TPPP2: variants seen among roughly 807,000 people sequenced by gnomAD.
The protein encoded by TPPP2 is tubulin polymerization-promoting protein family member 2.
A neutral mutation model predicts 13.0 loss-of-function variants in TPPP2; 8 were observed. The observed-to-expected ratio is 0.62, with a 90% CI of 0.36 to 1.11. The LOEUF is 1.11. Among genes scored for constraint, TPPP2 ranks in the 50% most tolerant of loss-of-function variants. The probability of loss-of-function intolerance (pLI) is 0.02; values close to 1 mark genes in which losing one functional copy is unlikely to be tolerated. For synonymous variants in TPPP2, 81 were observed against 81.8 expected, an observed-to-expected ratio of 0.99 and a Z score of 0.05; for missense variants, 213 against 216.9, an observed-to-expected ratio of 0.98 and a Z score of 0.11.
At chr14:21,026,945 C>T (rs1325850535), upstream of TPPP2, among the ~76,000 whole-genome samples, 1 of 146,280 alleles carries the variant, frequency 6.8e-6, no homozygotes, top group Non-Finnish European at 1.5e-5. Context: ...GGGAGAGCCT[C>T]GAGTGAGAAC....
At position 21,032,803 on chromosome 14, in the gene TPPP2, C is replaced by T. The variant is rs992052096; in HGVS notation, c.*726C>T. The T allele has an allele frequency of 2.7e-6, 1 of 376,984 alleles. No individual in the cohort carries two copies. The highest frequency in any genetic ancestry group is 2.1e-5 in the African/African-American group (1 of 47,012). 23.4% of individuals were successfully genotyped at this position (376,984 alleles called of 1,614,324 possible). On this transcript the variant is annotated 3_prime_UTR_variant, in exon 4 of 4. Transcript: ENST00000321760. ...TGCACTGAAGAAAAAGCAATTAAAT[C>T]ACAACAGAGTCAGATGTGTGTTATT...
At chr14:21,035,797 C>T (rs1391323969), downstream of TPPP2, 1 of 456,268 alleles carries the variant, frequency 2.2e-6, no homozygotes, top group Non-Finnish European at 4.4e-6. Context: ...AACTCAGTTT[C>T]CCTGGTTACC....
downstream of TPPP2, chr14:21,034,770 G>T (rs563648604): frequency 6.4e-6 from 1 of 156,880 alleles, no homozygotes; most frequent in South Asian, 2.0e-4. Flanking sequence ...GGCTAGAAAG[G>T]TTTCTAGGTA....
chr14:21,031,371 A>C, intron 3 of TPPP2: 1 of 567,480 alleles, frequency 1.8e-6, no homozygotes, highest in South Asian at 3.7e-5. Flanking sequence ...TTAATAGTAG[A>C]TTTAGACTAA....
At chr14:21,028,162 G>A (rs1476688805), upstream of TPPP2, among the ~76,000 whole-genome samples, 1 of 152,120 alleles carries the variant, frequency 6.6e-6, no homozygotes, top group African/African-American at 2.4e-5. Context: ...CAAGTAGCCT[G>A]TCAAGTGTAT....
At chr14:21,032,895 TGTG>T (rs1255866428), downstream of TPPP2, 3 of 454,218 alleles carry the variant, frequency 6.6e-6, no homozygotes, top group African/African-American at 6.0e-5. Context: ...AGGGGGCTCG[TGTG>T]CCCTTCACCC....
downstream of TPPP2, chr14:21,033,072 G>A (rs748784682): frequency 1.6e-5 from 7 of 445,558 alleles, 1 homozygote; most frequent in South Asian, 1.1e-4. Flanking sequence ...GGAACCTCTG[G>A]GGAATGGGTG....
At chr14:21,036,241 A>T (rs1359304046), downstream of TPPP2, 1 of 456,154 alleles carries the variant, frequency 2.2e-6, no homozygotes, top group East Asian at 6.9e-5. Context: ...CTCCAGTAAG[A>T]CTCAACTCAA....
intron 1 of TPPP2, 32 bp from the exon 2 acceptor site, chr14:21,030,481 T>C: frequency 2.3e-6 from 3 of 1,277,100 alleles, no homozygotes; most frequent in Non-Finnish European, 2.2e-6. Flanking sequence ...CTGACTGATT[T>C]TACCATAACA....
chr14:21,026,988 G>C (rs964762750), upstream of TPPP2, among the ~76,000 whole-genome samples: 1 of 152,140 alleles, frequency 6.6e-6, no homozygotes, highest in Non-Finnish European at 1.5e-5. Context: ...GTCAAAAGTC[G>C]TCTTACTTGG....
chr14:21,027,218 T>C (rs144941611), upstream of TPPP2, among the ~76,000 whole-genome samples: 1,585 of 152,328 alleles, frequency 0.01, 16 homozygotes, highest in South Asian at 0.027. Flanking sequence ...GGTTCTTCCA[T>C]GTCAGGGCAG....
intron 1 of TPPP2, chr14:21,024,378 C>A (rs967022659): frequency 3.2e-6 from 3 of 931,994 alleles, no homozygotes; most frequent in Non-Finnish European, 3.8e-6. Context: ...CCTCCGGATT[C>A]GAATCCCGGC....
At chr14:21,033,832 A>G (rs370430249), downstream of TPPP2, 28 of 1,610,732 alleles carry the variant, frequency 1.7e-5, no homozygotes, top group Non-Finnish European at 3.4e-6. Flanking sequence ...ATTCCCGAAT[A>G]GAGACCAGCG....
downstream of TPPP2, chr14:21,032,945 G>A: frequency 2.2e-6 from 1 of 456,118 alleles, no homozygotes; most frequent in Non-Finnish European, 4.4e-6. Context: ...ATACTCAGAT[G>A]TGGTTTTAGA....
At chr14:21,034,231 C>T (rs757109086), downstream of TPPP2, 3 of 1,614,044 alleles carry the variant, frequency 1.9e-6, no homozygotes, top group Admixed American at 1.7e-5. Flanking sequence ...ATGTCCATGA[C>T]CAGAGTTGGC....
chr14:21,030,737 CGT>C lies in TPPP2; in HGVS notation c.159_160del (p.Phe54GlnfsTer35). ...KTVTSTDVDI[V>X]FSKVKAKNAR... ...CAGTCACCTCCACGGACGTGGACAT[CGT>C]GTTCAGCAAAGTCAAGTGAGGAGCC... On this transcript the variant is annotated frameshift_variant, in exon 2 of 4. Coordinates refer to ENST00000321760, the MANE Select transcript of TPPP2 (RefSeq NM_173846.5). LOFTEE classifies it high-confidence loss of function. The C allele has an allele frequency of 6.2e-7, 1 of 1,614,032 alleles. No individual in the cohort carries two copies. Among genetic ancestry groups the C allele is most frequent in the Non-Finnish European group, 8.5e-7 (1 of 1,179,992 alleles).
At chr14:21,034,899 G>A (rs923044516), downstream of TPPP2, 1 of 152,530 alleles carries the variant, frequency 6.6e-6, no homozygotes, top group African/African-American at 2.4e-5. Flanking sequence ...AGTGTCATTG[G>A]AACACTTACT....
chr14:21,031,288 ATCTAGACAT>A, intron 3 of TPPP2, 123 bp downstream of exon 3: 1 of 1,303,322 alleles, frequency 7.7e-7, no homozygotes, highest in Non-Finnish European at 1.0e-6. Flanking sequence ...TTTAGAGATC[ATCTAGACAT>A]TCCAGAAGTC....
At chr14:21,029,766 T>C (rs1268448768), upstream of TPPP2, among the ~76,000 whole-genome samples, 5 of 152,168 alleles carry the variant, frequency 3.3e-5, no homozygotes. Flanking sequence ...CCTTCTACCA[T>C]GTGAGGACAC....
Sources: allele counts gnomAD v4.1 joint callset (sites outside exome capture counted in the v4.1 genomes callset), GRCh38; gene constraint gnomAD v4.1.1; transcripts MANE v1.5; gene names NCBI Gene and HGNC (gene_info 2026-07-23, HGNC 2026-07-21).